The following KCNQ1OT1 variants were observed in gnomAD, a reference collection of about 807,000 sequenced individuals.
KCNQ1OT1 encodes the protein KCNQ1 antisense RNA 2 (non-protein coding).
Position 2,612,482 on chromosome 11 carries a change from G to A in KCNQ1OT1, n.87513C>T, listed in dbSNP as rs144223872. ...GTCTGAATCATCTTTATGGATCTGC[G>A]TTGAAGTTCATTGATTCTTTCTTCT... is the stretch of plus-strand genomic sequence containing the variant. On this transcript the variant is annotated non_coding_transcript_exon_variant, in exon 1 of 1. Coordinates refer to ENST00000597346, the Ensembl canonical transcript of KCNQ1OT1. The surrounding 1 kb of genome is among the most constrained non-coding windows in gnomAD (Gnocchi z 5.5). 774 of 398,436 alleles carry A rather than the reference G, an allele frequency of 1.9e-3. 17 individuals are homozygous for A. In the Admixed American group the frequency reaches 0.029, roughly 15 times the overall value. The allele number at this position is 398,436 out of a possible 1,614,324, so 24.7% of individuals were successfully genotyped here.
chr11:2,665,939 T>C (rs1850059223), exon 1 of KCNQ1OT1: 2 of 398,476 alleles, frequency 5.0e-6, no homozygotes, highest in East Asian at 3.6e-5. Context: ...GAAATCATTT[T>C]TGTGAAATCC....
chr11:2,609,021 ATATTT>A (rs1848930689), exon 1 of KCNQ1OT1: 1 of 397,972 alleles, frequency 2.5e-6, no homozygotes, highest in African/African-American at 2.1e-5. Flanking sequence ...TTTATATTCT[ATATTT>A]TATTTCTACT....
chr11:2,631,742 C>T (rs1849355931), exon 1 of KCNQ1OT1: 1 of 398,620 alleles, frequency 2.5e-6, no homozygotes, highest in Non-Finnish European at 4.4e-6. Flanking sequence ...TAATGGAATA[C>T]TCTTCTTGCA....
Position 2,611,093 on chromosome 11 carries a change from T to C in KCNQ1OT1, n.88902A>G, listed in dbSNP as rs1461989344. On this transcript the variant is annotated non_coding_transcript_exon_variant, in exon 1 of 1. Transcript: ENST00000597346. The surrounding 1 kb of genome is among the most constrained non-coding windows in gnomAD (Gnocchi z 5.3). ...TTTTTAGCTGTTATAAATTTTTATT[T>C]CTTTATGACTTCTGTTTATGATTTC... is the stretch of plus-strand genomic sequence containing the variant. The C allele has an allele frequency of 2.5e-6, 1 of 398,488 alleles. No homozygotes were observed. Among genetic ancestry groups the C allele is most frequent in the Non-Finnish European group, 4.4e-6 (1 of 226,056 alleles). The allele number at this position is 398,488 out of a possible 1,614,324, so 24.7% of individuals were successfully genotyped here. A position where few individuals can be genotyped will look rare whatever the true frequency, so the allele number is the denominator to read the frequency against.
At chr11:2,638,706 A>G (rs1330121551) in exon 1 of KCNQ1OT1, 3 of 152,014 alleles carry the variant, frequency 2.0e-5, no homozygotes, top group East Asian at 1.9e-4. Flanking sequence ...TATTTCCTGA[A>G]TTTGAATGTT....
exon 1 of KCNQ1OT1, chr11:2,616,756 G>A (rs1849071588): frequency 5.0e-6 from 2 of 397,762 alleles, no homozygotes; most frequent in Non-Finnish European, 8.9e-6. Context: ...AAGATATTTT[G>A]TATGATTTCT....
exon 1 of KCNQ1OT1, chr11:2,697,027 G>T (rs1564861575): frequency 2.5e-6 from 1 of 398,196 alleles, no homozygotes; most frequent in Non-Finnish European, 4.4e-6. Context: ...ATTCCAGAGA[G>T]CCCCCCAGAC....
chr11:2,698,542 CCTTTA>C lies in KCNQ1OT1; in HGVS notation n.1448_1452del, dbSNP rs1850716083. 2.5e-6 allele frequency: 1 copy of C among 398,390 alleles called. No individual in the cohort carries two copies. Among genetic ancestry groups the C allele is most frequent in the Admixed American group, 4.4e-5 (1 of 22,694 alleles). 24.7% of individuals were successfully genotyped at this position (398,390 alleles called of 1,614,324 possible). The stretch of plus-strand genomic sequence containing the variant: ...TCACCACCCCCAACTCAGACTGCAA[CCTTTA>C]CTTCGCCCCCTAATTCCTGACTCAG... On this transcript the variant is annotated non_coding_transcript_exon_variant, in exon 1 of 1. Transcript: ENST00000597346. This position sits in a 1 kb window ranked among gnomAD's most constrained non-coding sequence, Gnocchi z 5.1.
exon 1 of KCNQ1OT1, chr11:2,662,684 AG>A (rs1849986115): frequency 7.4e-6 from 3 of 403,648 alleles, no homozygotes; most frequent in African/African-American, 6.2e-5. Flanking sequence ...TGGGGTGCCC[AG>A]CGGTGACAGC....
At chr11:2,694,911 C>A (rs1460600777) in exon 1 of KCNQ1OT1, 1 of 398,636 alleles carries the variant, frequency 2.5e-6, no homozygotes, top group Non-Finnish European at 4.4e-6. Flanking sequence ...CCAGAAAAGA[C>A]AAGCCAGGCA....
chr11:2,686,095 A>T (rs556109491), exon 1 of KCNQ1OT1: 3 of 398,844 alleles, frequency 7.5e-6, no homozygotes, highest in East Asian at 3.6e-5. Flanking sequence ...AGTAGGCCTG[A>T]GTTGATGGCA....
rs1850360560 is a variant in KCNQ1OT1 at position 2,679,886 on chromosome 11, A to G, written n.20109T>C. On this transcript the variant is annotated non_coding_transcript_exon_variant, in exon 1 of 1. Coordinates refer to ENST00000597346, the Ensembl canonical transcript of KCNQ1OT1. This position sits in a 1 kb window ranked among gnomAD's most constrained non-coding sequence, Gnocchi z 4.8. ...TATAAACTTAGAACTAGCACGCCTAATTTTTTTTTTATTTTTATTTTTTTT... is the reference window on the plus strand; with the variant it reads ...TATAAACTTAGAACTAGCACGCCTAGTTTTTTTTTTATTTTTATTTTTTTT... 4 of 381,654 alleles carry G rather than the reference A, an allele frequency of 1.0e-5. No individual in the cohort carries two copies. The highest frequency in any genetic ancestry group is 8.4e-5 in the African/African-American group (4 of 47,700). 23.6% of individuals were successfully genotyped at this position (381,654 alleles called of 1,614,324 possible).
chr11:2,647,130 T>C lies in KCNQ1OT1; in HGVS notation n.52865A>G, dbSNP rs953867577. 3 of 398,446 alleles carry C rather than the reference T, an allele frequency of 7.5e-6. No individual in the cohort carries two copies. The highest frequency in any genetic ancestry group is 6.2e-5 in the African/African-American group (3 of 48,630). 24.7% of individuals were successfully genotyped at this position (398,446 alleles called of 1,614,324 possible). On this transcript the variant is annotated non_coding_transcript_exon_variant, in exon 1 of 1. Transcript: ENST00000597346. The surrounding 1 kb of genome is among the most constrained non-coding windows in gnomAD (Gnocchi z 4.0). ...GTGGGTTTGTCATATATGACCTTCA[T>C]TGAGTTATGTTCCTTCTAGACATTA...
Position 2,670,478 on chromosome 11 carries a change from C to T in KCNQ1OT1, n.29517G>A, listed in dbSNP as rs544337311. On this transcript the variant is annotated non_coding_transcript_exon_variant, in exon 1 of 1. Transcript: ENST00000597346. The surrounding 1 kb of genome is among the most constrained non-coding windows in gnomAD (Gnocchi z 4.9). The stretch of plus-strand genomic sequence containing the variant: ...CAGCCCACATCCTTGGTAGGTCCCT[C>T]AGAGAGCATCTAGTGGGCCTGTCCT... 35 of 397,406 alleles carry T rather than the reference C, an allele frequency of 8.8e-5. 1 individual carries two copies. Among genetic ancestry groups the T allele is most frequent in the African/African-American group, 7.3e-4 (35 of 48,272 alleles). The allele number at this position is 397,406 out of a possible 1,614,324, so 24.6% of individuals were successfully genotyped here. A position where few individuals can be genotyped will look rare whatever the true frequency, so the allele number is the denominator to read the frequency against.
In KCNQ1OT1 at chr11:2,624,250, A is replaced by C; in HGVS notation, n.75745T>G. On this transcript the variant is annotated non_coding_transcript_exon_variant, in exon 1 of 1. Transcript: ENST00000597346. This position sits in a 1 kb window ranked among gnomAD's most constrained non-coding sequence, Gnocchi z 4.9. ...AGATGTCTGTTAAGGTCTTCAGTCC[A>C]TTTTGTAATCAGATTGTTTGTTTTC... 1 of 398,554 alleles carries C rather than the reference A, an allele frequency of 2.5e-6. No homozygotes were observed. Among genetic ancestry groups the C allele is most frequent in the Non-Finnish European group, 4.4e-6 (1 of 226,032 alleles). 24.7% of individuals were successfully genotyped at this position (398,554 alleles called of 1,614,324 possible).
At chr11:2,616,021 A>AT (rs1466734428) in exon 1 of KCNQ1OT1, 1 of 397,992 alleles carries the variant, frequency 2.5e-6, no homozygotes. Flanking sequence ...TTGGTTACTG[A>AT]TTCAAACTTT....
exon 1 of KCNQ1OT1, chr11:2,699,791 G>A (rs943764254): frequency 1.0e-5 from 4 of 397,070 alleles, no homozygotes; most frequent in East Asian, 3.6e-5. Context: ...GAACCGCGCC[G>A]AGGGGCGCGC....
chr11:2,683,677 T>G lies in KCNQ1OT1; in HGVS notation n.16318A>C, dbSNP rs893828657. ...CCTTACTTTCCCATCTCAATACAAC[T>G]GTGAAAAGCCTAGCCTGGGACTCAG... On this transcript the variant is annotated non_coding_transcript_exon_variant, in exon 1 of 1. Coordinates refer to ENST00000597346, the Ensembl canonical transcript of KCNQ1OT1. This position sits in a 1 kb window ranked among gnomAD's most constrained non-coding sequence, Gnocchi z 4.7. 7 of 398,528 alleles carry G rather than the reference T, an allele frequency of 1.8e-5. No individual in the cohort carries two copies. The highest frequency in any genetic ancestry group is 3.1e-5 in the Non-Finnish European group (7 of 226,086). The allele number at this position is 398,528 out of a possible 1,614,324, so 24.7% of individuals were successfully genotyped here.
In KCNQ1OT1 at chr11:2,673,918, G is replaced by A. The variant is rs1029271515; in HGVS notation, n.26077C>T. Reference sequence around the variant, plus strand: ...TGGGAGCTCAGCTCACCGGGTGCTAGACAAGGGAGTGTGTCTCTTTCCCCA... The same window carrying A: ...TGGGAGCTCAGCTCACCGGGTGCTAAACAAGGGAGTGTGTCTCTTTCCCCA... On this transcript the variant is annotated non_coding_transcript_exon_variant, in exon 1 of 1. Coordinates refer to ENST00000597346, the Ensembl canonical transcript of KCNQ1OT1. The surrounding 1 kb of genome is among the most constrained non-coding windows in gnomAD (Gnocchi z 4.5). 32 of 370,678 alleles carry A rather than the reference G, an allele frequency of 8.6e-5. No homozygotes were observed. The highest frequency in any genetic ancestry group is 6.8e-4 in the African/African-American group (32 of 47,276). 23.0% of individuals were successfully genotyped at this position (370,678 alleles called of 1,614,324 possible).
Sources: gnomAD v4.1 joint callset for allele counts on GRCh38, gnomAD v4.1.1 for gene constraint, Gnocchi (gnomAD v3.1) non-coding constraint, MANE v1.5 for transcripts, NCBI Gene and HGNC (gene_info 2026-07-23, HGNC 2026-07-21) for gene names.